CTNND2: variants seen among roughly 807,000 people sequenced by gnomAD.
CTNND2 encodes catenin delta 2.
A neutral mutation model predicts 144.4 loss-of-function variants in CTNND2; 22 were observed. The observed-to-expected ratio is 0.15, with a 90% CI of 0.11 to 0.22. The LOEUF (loss-of-function observed/expected upper bound fraction) is 0.22, where lower values mean the gene tolerates loss of function less well. Ranked by LOEUF, CTNND2 falls within the 10% of genes least tolerant of loss-of-function variation. The pLI is 1.00. For missense variants in CTNND2, 1,353 were observed against 1,618.8 expected (o/e 0.84, Z 2.82); for synonymous variants, 751 against 695.6 (o/e 1.08, Z -1.25).
chr5:11,130,907 T>C (rs1340580810), intron 12 of CTNND2, among the ~76,000 whole-genome samples: 1 of 152,116 alleles, frequency 6.6e-6, no homozygotes, highest in African/African-American at 2.4e-5. Context: ...AAGCCGCCCA[T>C]ATCTAACCTT....
chr5:11,771,117 A>C (rs1167225161), intron 1 of CTNND2, among the ~76,000 whole-genome samples: 2 of 152,116 alleles, frequency 1.3e-5, no homozygotes. Flanking sequence ...TAAAAAGGAA[A>C]GGGGTCCAAA....
At chr5:11,132,217 A>G (rs113524050) in intron 12 of CTNND2, among the ~76,000 whole-genome samples, 2,073 of 152,300 alleles carry the variant, frequency 0.014, 40 homozygotes, top group African/African-American at 0.047. Flanking sequence ...TACTTAGAAG[A>G]GGGAGTCACT....
intron 2 of CTNND2, among the ~76,000 whole-genome samples, chr5:11,664,277 G>C (rs1326034147): frequency 6.6e-6 from 1 of 152,172 alleles, no homozygotes; most frequent in East Asian, 1.9e-4. Flanking sequence ...TTTCAGGGCT[G>C]ACTGTATTAA....
chr5:11,844,539 A>G (rs1794643346), intron 1 of CTNND2, among the ~76,000 whole-genome samples: 1 of 152,146 alleles, frequency 6.6e-6, no homozygotes, highest in Non-Finnish European at 1.5e-5. Context: ...CATTCTGAAA[A>G]TTGGAAAATA....
At chr5:11,082,970 T>G (rs1749749775) in intron 15 of CTNND2, 124 bp from the exon 16 acceptor site, 2 of 1,080,782 alleles carry the variant, frequency 1.9e-6, no homozygotes, top group Non-Finnish European at 2.6e-6. Context: ...AAGACCTAGT[T>G]GTAGAATGGG....
chr5:11,074,160 G>A (rs61750306), intron 16 of CTNND2, among the ~76,000 whole-genome samples: 22 of 152,308 alleles, frequency 1.4e-4, no homozygotes, highest in East Asian at 9.7e-4. Flanking sequence ...ACAGTGCCAC[G>A]TGATCAGTGA....
chr5:11,034,586 G>T (rs923150708), intron 16 of CTNND2, among the ~76,000 whole-genome samples: 4 of 152,224 alleles, frequency 2.6e-5, no homozygotes, highest in African/African-American at 9.6e-5. Context: ...ATATCAGACT[G>T]TTGGAGGAAG....
chr5:11,902,448 G>T (rs887023544), intron 1 of CTNND2, among the ~76,000 whole-genome samples: 1 of 152,106 alleles, frequency 6.6e-6, no homozygotes, highest in Non-Finnish European at 1.5e-5. Context: ...CCGAAGCCTT[G>T]TCATTATGTA....
intron 16 of CTNND2, among the ~76,000 whole-genome samples, chr5:11,035,673 G>C (rs1001079364): frequency 1.3e-5 from 2 of 152,224 alleles, no homozygotes; most frequent in African/African-American, 2.4e-5. Context: ...GAATGTGTCT[G>C]TAAGATAATG....
At chr5:11,824,965 C>A (rs541564552) in intron 1 of CTNND2, among the ~76,000 whole-genome samples, 1 of 152,134 alleles carries the variant, frequency 6.6e-6, no homozygotes, top group African/African-American at 2.4e-5. Flanking sequence ...GAGGATAATA[C>A]TAGCTACCAC....
chr5:11,165,851 C>T (rs566555252), intron 11 of CTNND2, among the ~76,000 whole-genome samples: 1 of 152,052 alleles, frequency 6.6e-6, no homozygotes, highest in South Asian at 2.1e-4. Flanking sequence ...TTTCTTTTTA[C>T]TGAAAGAGAT....
intron 8 of CTNND2, among the ~76,000 whole-genome samples, chr5:11,360,176 A>C (rs1405301295): frequency 6.6e-6 from 1 of 152,222 alleles, no homozygotes; most frequent in African/African-American, 2.4e-5. Context: ...ACAGCTAAGA[A>C]GAAAAGAGAG....
chr5:11,898,578 C>T (rs1737594804), intron 1 of CTNND2, among the ~76,000 whole-genome samples: 1 of 152,090 alleles, frequency 6.6e-6, no homozygotes, highest in Non-Finnish European at 1.5e-5. Flanking sequence ...CCCCCATCAT[C>T]TAGTGTTATA....
At chr5:11,849,882 C>T (rs1794934525) in intron 1 of CTNND2, among the ~76,000 whole-genome samples, 1 of 152,148 alleles carries the variant, frequency 6.6e-6, no homozygotes, top group African/African-American at 2.4e-5. Context: ...GTAGGAAAAT[C>T]ACGAGCCTTG....
At chr5:11,543,902 T>C (rs1774980240) in intron 3 of CTNND2, among the ~76,000 whole-genome samples, 1 of 152,126 alleles carries the variant, frequency 6.6e-6, no homozygotes, top group Non-Finnish European at 1.5e-5. Context: ...TGGAAGACCA[T>C]ACCTTAAACT....
intron 9 of CTNND2, among the ~76,000 whole-genome samples, chr5:11,313,910 G>A (rs1751242640): frequency 6.6e-6 from 1 of 152,080 alleles, no homozygotes; most frequent in African/African-American, 2.4e-5. Context: ...GAGCAAATGG[G>A]GAAGTGCCAC....
At chr5:11,159,458 A>C in intron 12 of CTNND2, 118 bp downstream of exon 12, 1 of 811,590 alleles carries the variant, frequency 1.2e-6, no homozygotes, top group African/African-American at 1.7e-5. Context: ...TGCCACATCA[A>C]CATTCATGTT....
At chr5:11,817,570 G>C (rs1468093568) in intron 1 of CTNND2, among the ~76,000 whole-genome samples, 1 of 151,980 alleles carries the variant, frequency 6.6e-6, no homozygotes, top group African/African-American at 2.4e-5. Context: ...GTAGTGAAGG[G>C]GGGAAGCGGA....
At chr5:11,500,976 GTAAT>G (rs1408941556) in intron 3 of CTNND2, among the ~76,000 whole-genome samples, 1 of 152,132 alleles carries the variant, frequency 6.6e-6, no homozygotes, top group East Asian at 1.9e-4. Flanking sequence ...CTCTTAATTT[GTAAT>G]TAATCAAAAA....
Sources: allele counts gnomAD v4.1 joint callset (sites outside exome capture counted in the v4.1 genomes callset), GRCh38; gene constraint gnomAD v4.1.1; transcripts MANE v1.5; gene names NCBI Gene and HGNC (gene_info 2026-07-23, HGNC 2026-07-21).